EPB41: variants seen among roughly 807,000 people sequenced by gnomAD.
EPB41 encodes erythrocyte membrane protein band 4.1.
A neutral mutation model predicts 108.0 loss-of-function variants in EPB41; 65 were observed. The ratio of observed to expected loss-of-function variants is 0.60; its 90% CI spans 0.49 to 0.74. The LOEUF (loss-of-function observed/expected upper bound fraction) is 0.74. EPB41 is among the 30% of genes least tolerant of loss of function. The pLI, the probability that EPB41 is intolerant of heterozygous loss-of-function variation, is 0.00. For synonymous variants in EPB41, 336 were observed against 358.9 expected (o/e 0.94, Z 0.72); for missense variants, 875 against 1,037.0 (o/e 0.84, Z 2.15).
chr1:29,011,421 G>A (rs2096499236), intron 4 of EPB41, among the ~76,000 whole-genome samples: 1 of 151,690 alleles, frequency 6.6e-6, no homozygotes, highest in African/African-American at 2.4e-5. Flanking sequence ...AGGGTTGGAG[G>A]GGAAAATAAA....
intron 11 of EPB41, among the ~76,000 whole-genome samples, chr1:29,046,549 T>C (rs901424707): frequency 3.9e-5 from 6 of 152,236 alleles, no homozygotes; most frequent in Admixed American, 3.3e-4. Context: ...TCTCGCATTT[T>C]TAATTTCTTT....
chr1:29,066,007 T>C, intron 16 of EPB41: 1 of 153,936 alleles, frequency 6.5e-6, no homozygotes, highest in Non-Finnish European at 1.4e-5. Context: ...TGATTTATTT[T>C]ATCTTTATGA....
At chr1:29,024,415 C>T (rs1050024128) in intron 7 of EPB41, among the ~76,000 whole-genome samples, 9 of 151,516 alleles carry the variant, frequency 5.9e-5, no homozygotes, top group African/African-American at 9.7e-5. Flanking sequence ...AGGTGGATCA[C>T]GAGGTCAGGA....
chr1:28,989,777 A>G (rs2095962991), intron 2 of EPB41, among the ~76,000 whole-genome samples: 1 of 152,178 alleles, frequency 6.6e-6, no homozygotes, highest in Non-Finnish European at 1.5e-5. Flanking sequence ...CAATGGGGAT[A>G]ATAATATCCA....
At chr1:28,996,416 G>A (rs2096177152) in intron 3 of EPB41, among the ~76,000 whole-genome samples, 1 of 152,202 alleles carries the variant, frequency 6.6e-6, no homozygotes, top group South Asian at 2.1e-4. Context: ...GTAGGGAGTT[G>A]AGGCATACCT....
chr1:29,114,850 TTAAGTAA>T (rs1232028059), intron 19 of EPB41, among the ~76,000 whole-genome samples: 4 of 152,114 alleles, frequency 2.6e-5, no homozygotes, highest in African/African-American at 9.7e-5. Flanking sequence ...TTAATAGAGT[TTAAGTAA>T]TAAGTAATGT....
rs566074465 is a variant in EPB41 at position 28,916,936 on chromosome 1, G to C, written c.-8+2168G>C. ...CTCCCTAGTAGCTGGGACTATAGGCGTGTGCCCCCATGCTTGGCTAATGTC... is the reference window on the plus strand; with the variant it reads ...CTCCCTAGTAGCTGGGACTATAGGCCTGTGCCCCCATGCTTGGCTAATGTC... On this transcript the variant is annotated intron_variant, in intron 1 of 20. Transcript: ENST00000343067. Among the ~76,000 whole-genome samples the C allele has an allele frequency of 2.6e-5, 4 of 151,866 alleles. No individual in the cohort carries two copies. The South Asian group carries it at 8.3e-4, about 32-fold the overall frequency.
chr1:28,969,703 T>C lies in EPB41; in HGVS notation c.-7-17728T>C, dbSNP rs146481891. On this transcript the variant is annotated intron_variant, in intron 1 of 20. Transcript: ENST00000343067. The stretch of plus-strand genomic sequence containing the variant: ...TCACGAGGTCACAAGATTGAGACCA[T>C]CCTGGCTAACACGGTGAAACTCCGT... Among the ~76,000 whole-genome samples the C allele has an allele frequency of 9.7e-4, 148 of 151,984 alleles. 1 individual carries two copies. The highest frequency in any genetic ancestry group is 3.4e-3 in the African/African-American group (142 of 41,488).
intron 1 of EPB41, among the ~76,000 whole-genome samples, chr1:28,944,850 A>G (rs2094438729): frequency 6.6e-6 from 1 of 151,298 alleles, no homozygotes; most frequent in Non-Finnish European, 1.5e-5. Context: ...GCACTTTGGG[A>G]GGCCGAGGTG....
In EPB41 at chr1:29,009,736, G is replaced by A. The variant is rs373058087; in HGVS notation, c.787-2129G>A. ...ACTAAGGAGAAAACACCCAGGTCACGCCTTTCTGACAGGCTTAAACAAGTA... is the reference window on the plus strand; with the variant it reads ...ACTAAGGAGAAAACACCCAGGTCACACCTTTCTGACAGGCTTAAACAAGTA... On this transcript the variant is annotated intron_variant, in intron 4 of 20. Transcript: ENST00000343067. Among the ~76,000 whole-genome samples, 448 of 152,126 alleles carry A rather than the reference G, an allele frequency of 2.9e-3. 3 individuals carry two copies. Among genetic ancestry groups the A allele is most frequent in the African/African-American group, 0.01 (429 of 41,526 alleles).
chr1:29,098,344 G>A (rs1207986226), intron 17 of EPB41, among the ~76,000 whole-genome samples: 1 of 152,118 alleles, frequency 6.6e-6, no homozygotes, highest in Middle Eastern at 3.4e-3. Flanking sequence ...ACAGGTGCCC[G>A]CCACCACGCC....
At chr1:29,075,309 C>T (rs533324083) in intron 16 of EPB41, among the ~76,000 whole-genome samples, 5 of 151,986 alleles carry the variant, frequency 3.3e-5, no homozygotes, top group African/African-American at 1.2e-4. Flanking sequence ...GAAACCCTAT[C>T]TCTACTAAAA....
intron 1 of EPB41, among the ~76,000 whole-genome samples, chr1:28,976,848 A>G (rs1244409714): frequency 1.3e-5 from 2 of 151,972 alleles, no homozygotes; most frequent in African/African-American, 4.8e-5. Context: ...CTCCTCCCTC[A>G]AAGCATTATT....
chr1:29,041,243 C>T (rs1315890156), intron 11 of EPB41: 1 of 151,836 alleles, frequency 6.6e-6, no homozygotes, highest in Non-Finnish European at 1.5e-5. Flanking sequence ...ACTTTGGGAG[C>T]CCGAGGCAGG....
rs755248112 is a variant in EPB41 at position 29,047,253 on chromosome 1, C to CTTTTTTTTTTT, written c.1637-5845_1637-5835dup. Among the ~76,000 whole-genome samples, 136 of 100,510 alleles carry CTTTTTTTTTTT rather than the reference C, an allele frequency of 1.4e-3. 15 individuals are homozygous for CTTTTTTTTTTT. The highest frequency in any genetic ancestry group is 4.8e-3 in the East Asian group (14 of 2,928). The allele number at this position is 100,510 out of a possible 152,430, so 65.9% of individuals were successfully genotyped here. ...TGTTTCTTTTTTCTTTCTTTCTTTC[C>CTTTTTTTTTTT]TTTTTTTTTTTTTTTTGGAGAGAGA... On this transcript the variant is annotated intron_variant, in intron 11 of 20. Coordinates refer to ENST00000343067, the MANE Select transcript of EPB41 (RefSeq NM_001376013.1).
intron 19 of EPB41, among the ~76,000 whole-genome samples, chr1:29,112,749 T>G (rs1669603703): frequency 6.6e-6 from 1 of 152,230 alleles, no homozygotes; most frequent in Non-Finnish European, 1.5e-5. Context: ...ATCTGTAAGA[T>G]GAAGATGATA....
intron 1 of EPB41, among the ~76,000 whole-genome samples, chr1:28,957,743 A>G (rs2095019942): frequency 1.3e-5 from 2 of 152,068 alleles, no homozygotes; most frequent in South Asian, 4.1e-4. Flanking sequence ...GTTTTTAAGA[A>G]TTGGTCTTTA....
At chr1:29,016,109 GT>G (rs1025383145) in intron 6 of EPB41, among the ~76,000 whole-genome samples, 12 of 151,864 alleles carry the variant, frequency 7.9e-5, no homozygotes, top group South Asian at 6.2e-4. Flanking sequence ...TGACTCTACT[GT>G]TTTTTTTGTT....
chr1:28,969,662 G>C (rs1296775700), intron 1 of EPB41, among the ~76,000 whole-genome samples: 1 of 151,936 alleles, frequency 6.6e-6, no homozygotes, highest in Non-Finnish European at 1.5e-5. Flanking sequence ...CACTTTGGTA[G>C]GCTGAGGCGG....
Sources: allele counts gnomAD v4.1 joint callset (sites outside exome capture counted in the v4.1 genomes callset), GRCh38; gene constraint gnomAD v4.1.1; transcripts MANE v1.5; gene names NCBI Gene and HGNC (gene_info 2026-07-23, HGNC 2026-07-21).